Variants in THSD7B observed in about 807,000 individuals in gnomAD.
The protein encoded by THSD7B is thrombospondin type-1 domain-containing protein 7B.
A neutral mutation model predicts 213.6 loss-of-function variants in THSD7B; 138 were observed. That is an observed-to-expected ratio of 0.65 (90% CI 0.56 to 0.74). The LOEUF (loss-of-function observed/expected upper bound fraction) is 0.74. Among genes scored for constraint, THSD7B ranks in the 30% least tolerant of loss-of-function variants. The pLI is 0.00. For missense variants in THSD7B, 1,931 were observed against 1,991.5 expected (o/e 0.97, Z 0.58); for synonymous variants, 742 against 687.0 (o/e 1.08, Z -1.25).
At chr2:137,389,064 T>A (rs1685956373) in intron 12 of THSD7B, among the ~76,000 whole-genome samples, 1 of 151,466 alleles carries the variant, frequency 6.6e-6, no homozygotes. Flanking sequence ...CATATAGTAA[T>A]TCTATTTTTA....
At chr2:137,097,639 G>A (rs1688062793) in intron 4 of THSD7B, among the ~76,000 whole-genome samples, 1 of 152,044 alleles carries the variant, frequency 6.6e-6, no homozygotes, top group South Asian at 2.1e-4. Context: ...AATTCAGGAT[G>A]TACCCAAGAT....
intron 7 of THSD7B, among the ~76,000 whole-genome samples, chr2:137,186,340 C>T (rs1040335928): frequency 1.3e-5 from 2 of 152,014 alleles, no homozygotes; most frequent in Non-Finnish European, 2.9e-5. Context: ...CCTAGGTTTT[C>T]TTCTAAGAAT....
intron 2 of THSD7B, among the ~76,000 whole-genome samples, chr2:136,946,502 A>T (rs1483976920): frequency 6.6e-6 from 1 of 151,544 alleles, no homozygotes; most frequent in African/African-American, 2.4e-5. Context: ...TGGGAGAACC[A>T]CTGCTCTCTT....
chr2:137,095,773 T>C (rs1034667590), intron 4 of THSD7B, among the ~76,000 whole-genome samples: 2 of 152,108 alleles, frequency 1.3e-5, no homozygotes, highest in Non-Finnish European at 2.9e-5. Flanking sequence ...ATGGCTCACT[T>C]TAGCCTCCAC....
At chr2:136,886,581 C>A (rs928945315) in intron 2 of THSD7B, among the ~76,000 whole-genome samples, 1 of 152,074 alleles carries the variant, frequency 6.6e-6, no homozygotes, top group East Asian at 1.9e-4. Context: ...GAGTAAAATC[C>A]AGGGATGCTG....
At chr2:137,353,663 T>G (rs1459668690) in intron 12 of THSD7B, among the ~76,000 whole-genome samples, 1 of 152,126 alleles carries the variant, frequency 6.6e-6, no homozygotes, top group African/African-American at 2.4e-5. Flanking sequence ...GAGAATTCAC[T>G]TCAATTTATT....
intron 3 of THSD7B, among the ~76,000 whole-genome samples, chr2:137,067,237 G>GTGC (rs2104887484): frequency 1.3e-5 from 2 of 152,168 alleles, no homozygotes; most frequent in Non-Finnish European, 2.9e-5. Context: ...GTCTTTTAGT[G>GTGC]TGCTGTGTAA....
Position 137,655,645 on chromosome 2 carries a change from T to A in THSD7B, c.4090T>A (p.Ser1364Thr), listed in dbSNP as rs2104816434. Reference protein sequence around the residue: ...FQDSILKQLCSVPCPGDCHLT... With the variant: ...FQDSILKQLCTVPCPGDCHLT... The stretch of plus-strand genomic sequence containing the variant: ...GGACAGCATCCTGAAGCAGCTGTGT[T>A]CTGTGCCTTGCCCAGGTATGCAATG... The change falls in exon 22 of 28, where the codon TCT becomes ACT. Residue 1364 changes from serine (S) to threonine (T), a missense_variant. Ser to Thr is a moderately conservative substitution (Grantham distance 58). Coordinates refer to ENST00000409968, the MANE Select transcript of THSD7B (RefSeq NM_001316349.2). 6.2e-7 allele frequency: 1 copy of A among 1,613,132 alleles called. No individual in the cohort carries two copies. Among genetic ancestry groups the A allele is most frequent in the Non-Finnish European group, 8.5e-7 (1 of 1,179,528 alleles).
At chr2:137,634,211 C>A (rs1682791698) in intron 20 of THSD7B, among the ~76,000 whole-genome samples, 2 of 152,016 alleles carry the variant, frequency 1.3e-5, no homozygotes, top group Admixed American at 6.6e-5. Flanking sequence ...GTTGGCCAAC[C>A]CCTTCTAGAT....
intron 15 of THSD7B, among the ~76,000 whole-genome samples, chr2:137,526,616 G>T (rs1472042280): frequency 6.6e-6 from 1 of 152,040 alleles, no homozygotes; most frequent in Admixed American, 6.6e-5. Context: ...TAGAGACAGG[G>T]TTTTGCCATG....
intron 26 of THSD7B, among the ~76,000 whole-genome samples, chr2:137,665,851 T>C (rs1683436523): frequency 6.6e-6 from 1 of 152,096 alleles, no homozygotes; most frequent in Non-Finnish European, 1.5e-5. Context: ...AATATGAAAA[T>C]ATTTCCAACC....
intron 26 of THSD7B, among the ~76,000 whole-genome samples, chr2:137,664,762 C>T (rs554753457): frequency 2.7e-4 from 41 of 152,284 alleles, no homozygotes; most frequent in South Asian, 1.2e-3. Context: ...CTGCTTCCTA[C>T]TTTGTGAATT....
intron 21 of THSD7B, among the ~76,000 whole-genome samples, chr2:137,645,159 G>T (rs556920014): frequency 1.3e-5 from 2 of 152,064 alleles, no homozygotes; most frequent in African/African-American, 4.8e-5. Context: ...TACCTATTTC[G>T]CTGGTTATGT....
At chr2:137,394,285 AT>A (rs1686117352) in intron 12 of THSD7B, among the ~76,000 whole-genome samples, 1 of 118,248 alleles carries the variant, frequency 8.5e-6, no homozygotes, top group South Asian at 3.2e-4. Flanking sequence ...TAGGGTTTTT[AT>A]GGTTTTAGGT....
intron 1 of THSD7B, among the ~76,000 whole-genome samples, chr2:136,869,954 C>T (rs1683403783): frequency 6.6e-6 from 1 of 151,966 alleles, no homozygotes; most frequent in African/African-American, 2.4e-5. Flanking sequence ...TGCCTGTAAT[C>T]CAAGCTACTC....
chr2:137,185,203 G>A (rs908270034), intron 7 of THSD7B, among the ~76,000 whole-genome samples: 1 of 151,256 alleles, frequency 6.6e-6, no homozygotes, highest in African/African-American at 2.4e-5. Flanking sequence ...TTTGTGTGGA[G>A]TCTCTAGCCA....
intron 12 of THSD7B, among the ~76,000 whole-genome samples, chr2:137,365,986 C>T (rs1445009782): frequency 6.6e-6 from 1 of 152,160 alleles, no homozygotes; most frequent in Non-Finnish European, 1.5e-5. Context: ...GACTTGGAAC[C>T]AACCCAAATG....
intron 1 of THSD7B, among the ~76,000 whole-genome samples, chr2:136,804,134 T>C (rs954236792): frequency 2.0e-5 from 3 of 152,150 alleles, no homozygotes; most frequent in Non-Finnish European, 2.9e-5. Context: ...GGATATGATA[T>C]GGCCTCTGAA....
chr2:136,971,210 CG>C (rs1685398473), intron 2 of THSD7B, among the ~76,000 whole-genome samples: 1 of 152,088 alleles, frequency 6.6e-6, no homozygotes, highest in South Asian at 2.1e-4. Flanking sequence ...GTTCCAAAAA[CG>C]AGTACCCATG....
Sources: allele counts gnomAD v4.1 joint callset (sites outside exome capture counted in the v4.1 genomes callset), GRCh38; gene constraint gnomAD v4.1.1; transcripts MANE v1.5; gene names NCBI Gene and HGNC (gene_info 2026-07-23, HGNC 2026-07-21).